The following ZMIZ1 variants were observed in gnomAD, a reference collection of about 807,000 sequenced individuals.
The protein encoded by ZMIZ1 is zinc finger MIZ domain-containing protein 1.
Under a neutral mutation model 113.9 loss-of-function variants are expected in ZMIZ1, and 17 were observed. The observed-to-expected ratio is 0.15, with a 90% CI of 0.10 to 0.22. The LOEUF is 0.22. ZMIZ1 is among the 10% of genes least tolerant of loss of function. ZMIZ1 has a pLI of 1.00. For synonymous variants in ZMIZ1, 607 were observed against 603.1 expected (o/e 1.01, Z -0.09); for missense variants, 1,059 against 1,477.8 (o/e 0.72, Z 4.65).
intron 1 of ZMIZ1, among the ~76,000 whole-genome samples, chr10:79,081,287 G>A (rs1047089516): frequency 5.3e-5 from 8 of 152,170 alleles, no homozygotes; most frequent in African/African-American, 1.9e-4. Flanking sequence ...GGCAGAATGG[G>A]CTTCCTGGGG....
Position 79,277,194 on chromosome 10 carries a change from C to A in ZMIZ1, c.294C>A (p.Ser98=), listed in dbSNP as rs759984359. The A allele has an allele frequency of 6.4e-7, 1 of 1,554,022 alleles. No homozygotes were observed. The highest frequency in any genetic ancestry group is 8.7e-7 in the Non-Finnish European group (1 of 1,150,080). The change falls in exon 8 of 25, where the codon TCC becomes TCA. Residue 98 remains serine, a synonymous_variant. Coordinates refer to ENST00000334512, the MANE Select transcript of ZMIZ1 (RefSeq NM_020338.4). ...TCCTTCCTGCAGCCTTGTTGTCCTC[C>A]TGGTGCGAAGAGCTCGGCCGCCTGC... ...FTPKSAALLS[S]WCEELGRLLL...
At chr10:79,165,999 T>TGTGTGG (rs1846326938) in intron 4 of ZMIZ1, among the ~76,000 whole-genome samples, 1 of 9,938 alleles carries the variant, frequency 1.0e-4, no homozygotes, top group South Asian at 9.2e-4. Flanking sequence ...TGTGTGTGTG[T>TGTGTGG]GTGGGCTCTC....
At chr10:79,149,842 A>G (rs1197436392) in intron 3 of ZMIZ1, among the ~76,000 whole-genome samples, 3 of 152,214 alleles carry the variant, frequency 2.0e-5, no homozygotes, top group African/African-American at 7.2e-5. Context: ...CAGGGATTCA[A>G]TCAGGGGCCC....
intron 4 of ZMIZ1, among the ~76,000 whole-genome samples, chr10:79,186,322 C>T (rs1317129540): frequency 3.3e-5 from 5 of 152,236 alleles, no homozygotes; most frequent in Admixed American, 6.5e-5. Flanking sequence ...AACAAATTCT[C>T]TTCCTGTCCT....
rs148972258 is a variant in ZMIZ1 at position 79,129,288 on chromosome 10, G to A, written c.-227+10264G>A. Among the ~76,000 whole-genome samples, 173 of 152,300 alleles carry A rather than the reference G, an allele frequency of 1.1e-3. 2 individuals are homozygous for A. The East Asian group carries it at 0.029, about 26-fold the overall frequency. On this transcript the variant is annotated intron_variant, in intron 2 of 24. Coordinates refer to ENST00000334512, the MANE Select transcript of ZMIZ1 (RefSeq NM_020338.4). ...CAGCATCAGCCCCACTAGGGTGGCCGTCCAGATTGCCTGGGACCGTCCTGG... is the reference window on the plus strand; with the variant it reads ...CAGCATCAGCCCCACTAGGGTGGCCATCCAGATTGCCTGGGACCGTCCTGG...
intron 4 of ZMIZ1, among the ~76,000 whole-genome samples, chr10:79,185,078 C>T (rs998622064): frequency 9.2e-5 from 14 of 152,230 alleles, no homozygotes; most frequent in Non-Finnish European, 1.9e-4. Context: ...ACTGCCCAGG[C>T]GAGCAGGACG....
intron 9 of ZMIZ1, among the ~76,000 whole-genome samples, chr10:79,290,136 C>G (rs1298311342): frequency 6.6e-6 from 1 of 152,240 alleles, no homozygotes; most frequent in Non-Finnish European, 1.5e-5. Flanking sequence ...ATCTGACAGA[C>G]AGCAAGGGGT....
rs1843633518 is a variant in ZMIZ1 at position 79,108,533 on chromosome 10, G to A, written c.-336-10382G>A. ...AGGCTGAGAGTGAAGGAAGAAAGGT[G>A]GGATGGGGAAGAAAGGCCTGAGGGA... is the stretch of plus-strand genomic sequence containing the variant. On this transcript the variant is annotated intron_variant, in intron 1 of 24. Coordinates refer to ENST00000334512, the MANE Select transcript of ZMIZ1 (RefSeq NM_020338.4). 5.9e-5 allele frequency among the ~76,000 whole-genome samples: 9 copies of A among 152,258 alleles called. No homozygotes were observed. The South Asian group carries it at 1.9e-3, about 32-fold the overall frequency.
intron 5 of ZMIZ1, 95 bp downstream of exon 5, chr10:79,201,787 G>C (rs1848093418): frequency 2.4e-5 from 34 of 1,392,434 alleles, no homozygotes; most frequent in Non-Finnish European, 3.4e-5. Flanking sequence ...GACGATGGCA[G>C]GGCCTCCTGA....
At chr10:79,117,354 TTGACCTTTATATAAA>T (rs933930590) in intron 1 of ZMIZ1, among the ~76,000 whole-genome samples, 6 of 152,384 alleles carry the variant, frequency 3.9e-5, no homozygotes, top group Non-Finnish European at 7.3e-5. Flanking sequence ...TTTGCCCTTC[TTGACCTTTATATAAA>T]TGGATCTCAT....
At chr10:79,202,912 C>G (rs1848161488) in intron 5 of ZMIZ1, among the ~76,000 whole-genome samples, 1 of 152,242 alleles carries the variant, frequency 6.6e-6, no homozygotes, top group Admixed American at 6.5e-5. Context: ...TCCTCCATTT[C>G]TCTGAGCCTC....
chr10:79,173,572 G>A (rs1400209850), intron 4 of ZMIZ1, among the ~76,000 whole-genome samples: 1 of 152,128 alleles, frequency 6.6e-6, no homozygotes, highest in African/African-American at 2.4e-5. Context: ...AATATACCTT[G>A]ATCAACAGAC....
intron 4 of ZMIZ1, among the ~76,000 whole-genome samples, chr10:79,195,938 G>A (rs1230417238): frequency 6.6e-6 from 1 of 152,218 alleles, no homozygotes; most frequent in Non-Finnish European, 1.5e-5. Flanking sequence ...CATAGGGCCT[G>A]GCCTGGTGCC....
intron 1 of ZMIZ1, among the ~76,000 whole-genome samples, chr10:79,071,519 A>G (rs768535731): frequency 6.6e-6 from 1 of 152,132 alleles, no homozygotes; most frequent in Non-Finnish European, 1.5e-5. Context: ...GCTGCTGTTG[A>G]GCTATCGGGG....
intron 7 of ZMIZ1, among the ~76,000 whole-genome samples, chr10:79,236,763 T>C (rs1315500444): frequency 6.6e-6 from 1 of 152,222 alleles, no homozygotes; most frequent in African/African-American, 2.4e-5. Context: ...TCAATCATTC[T>C]TGGTTCACTC....
At chr10:79,171,984 G>A (rs778309567) in intron 4 of ZMIZ1, among the ~76,000 whole-genome samples, 13 of 152,168 alleles carry the variant, frequency 8.5e-5, no homozygotes, top group Non-Finnish European at 1.8e-4. Flanking sequence ...AAATGTAGTA[G>A]GCACTCAATA....
At chr10:79,220,278 T>C (rs897021071) in intron 7 of ZMIZ1, among the ~76,000 whole-genome samples, 1 of 152,182 alleles carries the variant, frequency 6.6e-6, no homozygotes, top group African/African-American at 2.4e-5. Context: ...CCCTCCAGCC[T>C]TCCTCCTCTG....
intron 3 of ZMIZ1, among the ~76,000 whole-genome samples, chr10:79,157,077 A>T (rs1845928688): frequency 6.6e-6 from 1 of 152,186 alleles, no homozygotes; most frequent in Non-Finnish European, 1.5e-5. Flanking sequence ...GCATTGAAGG[A>T]TGGATAGGGT....
At chr10:79,268,078 G>A (rs937605012) in intron 7 of ZMIZ1, among the ~76,000 whole-genome samples, 2 of 152,236 alleles carry the variant, frequency 1.3e-5, no homozygotes, top group Non-Finnish European at 2.9e-5. Flanking sequence ...AGGGGAGCAC[G>A]GCCTGGGCCC....
Sources: allele counts gnomAD v4.1 joint callset (sites outside exome capture counted in the v4.1 genomes callset), GRCh38; gene constraint gnomAD v4.1.1; transcripts MANE v1.5; gene names NCBI Gene and HGNC (gene_info 2026-07-23, HGNC 2026-07-21).